The following ZBTB44 variants were observed in gnomAD, a reference collection of about 807,000 sequenced individuals.
The protein encoded by ZBTB44 is zinc finger and BTB domain containing 44, also known as zinc finger and BTB domain-containing protein 44.
ZBTB44 carries 15 observed loss-of-function variants against 54.0 expected under a neutral mutation model. The ratio of observed to expected loss-of-function variants is 0.28; its 90% CI spans 0.19 to 0.43. The LOEUF (loss-of-function observed/expected upper bound fraction) is 0.43. Ranked by LOEUF, ZBTB44 falls within the 20% of genes least tolerant of loss-of-function variation. ZBTB44 has a pLI of 1.00. For missense variants in ZBTB44, 487 were observed against 707.1 expected (o/e 0.69, Z 3.53); for synonymous variants, 230 against 250.1 (o/e 0.92, Z 0.76).
At chr11:130,236,011 G>T in intron 5 of ZBTB44, 2 of 908,714 alleles carry the variant, frequency 2.2e-6, no homozygotes, top group Non-Finnish European at 2.7e-6. Context: ...CATTTTATGA[G>T]AAACTAAGGA....
intron 1 of ZBTB44, among the ~76,000 whole-genome samples, chr11:130,275,922 G>A (rs1940031168): frequency 6.7e-6 from 1 of 149,094 alleles, no homozygotes; most frequent in Non-Finnish European, 1.5e-5. Context: ...CACCGCGCCA[G>A]GTCATTTGCA....
At chr11:130,266,810 A>G (rs987991747) in intron 1 of ZBTB44, among the ~76,000 whole-genome samples, 45 of 152,384 alleles carry the variant, frequency 3.0e-4, no homozygotes, top group African/African-American at 1.1e-3. Flanking sequence ...CTTGTGGATA[A>G]GCAAAGACAG....
intron 2 of ZBTB44, among the ~76,000 whole-genome samples, chr11:130,259,885 T>G (rs997864637): frequency 1.3e-5 from 2 of 151,950 alleles, no homozygotes; most frequent in East Asian, 3.9e-4. Context: ...CAAACCACCA[T>G]GGCATGTGTA....
chr11:130,309,800 G>A (rs906798457), intron 1 of ZBTB44, among the ~76,000 whole-genome samples: 20 of 151,530 alleles, frequency 1.3e-4, no homozygotes, highest in Non-Finnish European at 2.5e-4. Flanking sequence ...GCTGAGGCAG[G>A]AGAATCGCTT....
At position 130,261,526 on chromosome 11, in the gene ZBTB44, A is replaced by G; in HGVS notation, c.348T>C (p.Val116=). 1.2e-6 allele frequency: 2 copies of G among 1,614,034 alleles called. No homozygotes were observed. The highest frequency in any genetic ancestry group is 1.7e-6 in the Non-Finnish European group (2 of 1,179,894). The stretch of plus-strand genomic sequence containing the variant: ...TCATGAACTCTGAGCAGGTGCTGGC[A>G]ACACTGAACATTTGCATATAGCTGG... ...AAASYMQMFS[V]ASTCSEFMKS... Residue 116 remains valine (V), a synonymous_variant, in exon 2 of 8, where the codon GTT becomes GTC. Coordinates refer to ENST00000357899, the MANE Select transcript of ZBTB44 (RefSeq NM_001301098.2). This position sits in a 1 kb window ranked among gnomAD's most constrained non-coding sequence, Gnocchi z 4.8.
At chr11:130,237,291 G>GA (rs571936158) in intron 4 of ZBTB44, among the ~76,000 whole-genome samples, 198 bp from the exon 5 acceptor site, 150 of 152,110 alleles carry the variant, frequency 9.9e-4, no homozygotes, top group African/African-American at 3.4e-3. Flanking sequence ...AAAAGGAAAA[G>GA]AAAAAAAGGC....
chr11:130,228,055 G>A lies in ZBTB44; in HGVS notation c.*3709C>T, dbSNP rs892722716. 7 of 152,152 alleles carry A rather than the reference G, an allele frequency of 4.6e-5. No individual in the cohort carries two copies. Among genetic ancestry groups the A allele is most frequent in the Admixed American group, 3.3e-4 (5 of 15,260 alleles). 9.4% of individuals were successfully genotyped at this position (152,152 alleles called of 1,614,324 possible). On this transcript the variant is annotated 3_prime_UTR_variant, in exon 8 of 8. Coordinates refer to ENST00000357899, the MANE Select transcript of ZBTB44 (RefSeq NM_001301098.2). ...TAAAATGGCTTTTGAAAAGATAGTA[G>A]AGGCACAAAGAAGCCATATACTATC...
At chr11:130,265,194 A>G (rs1369353510) in intron 1 of ZBTB44, among the ~76,000 whole-genome samples, 1 of 152,152 alleles carries the variant, frequency 6.6e-6, no homozygotes, top group East Asian at 1.9e-4. Context: ...TGGCCTCTAA[A>G]TGACCAAGTG....
chr11:130,288,896 TAAAA>T (rs560248125), intron 1 of ZBTB44, among the ~76,000 whole-genome samples: 4,251 of 131,766 alleles, frequency 0.032, 214 homozygotes, highest in African/African-American at 0.11. Flanking sequence ...GACTCCGTCT[TAAAA>T]AAAAAAAAAA....
At chr11:130,238,294 T>C in intron 4 of ZBTB44, 150 bp downstream of exon 4, 1 of 1,022,518 alleles carries the variant, frequency 9.8e-7, no homozygotes, top group Non-Finnish European at 1.4e-6. Context: ...CTGCATCATT[T>C]CAGCAATAAA....
chr11:130,293,908 T>A (rs1941467451), intron 1 of ZBTB44, among the ~76,000 whole-genome samples: 1 of 152,212 alleles, frequency 6.6e-6, no homozygotes, highest in African/African-American at 2.4e-5. Flanking sequence ...GTTCAGAGAT[T>A]TGAAAAAGTA....
intron 1 of ZBTB44, among the ~76,000 whole-genome samples, chr11:130,271,674 A>G (rs192799187): frequency 6.6e-6 from 1 of 152,126 alleles, no homozygotes; most frequent in Non-Finnish European, 1.5e-5. Flanking sequence ...ATTTACATTT[A>G]TTGCTGAAAA....
intron 1 of ZBTB44, among the ~76,000 whole-genome samples, chr11:130,268,911 A>C (rs750832415): frequency 6.6e-6 from 1 of 151,894 alleles, no homozygotes; most frequent in Non-Finnish European, 1.5e-5. Context: ...GAGAGAAAAA[A>C]AGAAAATGTC....
At chr11:130,243,519 CCT>C (rs1384052880) in intron 2 of ZBTB44, among the ~76,000 whole-genome samples, 23 of 152,348 alleles carry the variant, frequency 1.5e-4, no homozygotes, top group African/African-American at 4.8e-4. Context: ...GATGTGTTTT[CCT>C]CTCTTTTTCC....
At position 130,228,929 on chromosome 11, in the gene ZBTB44, A is replaced by T. The variant is rs1372022902; in HGVS notation, c.*2835T>A. Reference sequence around the variant, plus strand: ...AAGAATTTGACTTTATAAACCAGGTACTTTGAACAAAAACTAAAAATTTTA... The same window carrying T: ...AAGAATTTGACTTTATAAACCAGGTTCTTTGAACAAAAACTAAAAATTTTA... On this transcript the variant is annotated 3_prime_UTR_variant, in exon 8 of 8. Coordinates refer to ENST00000357899, the MANE Select transcript of ZBTB44 (RefSeq NM_001301098.2). 6.6e-6 allele frequency: 1 copy of T among 152,238 alleles called. No individual in the cohort carries two copies. Among genetic ancestry groups the T allele is most frequent in the Non-Finnish European group, 1.5e-5 (1 of 68,038 alleles). 9.4% of individuals were successfully genotyped at this position (152,238 alleles called of 1,614,324 possible). A position where few individuals can be genotyped will look rare whatever the true frequency, so the allele number is the denominator to read the frequency against.
chr11:130,264,294 G>T (rs560459577), intron 1 of ZBTB44, among the ~76,000 whole-genome samples: 1 of 152,086 alleles, frequency 6.6e-6, no homozygotes, highest in Admixed American at 6.6e-5. Flanking sequence ...TCCTGAAAGG[G>T]CCAGAAACCA....
intron 1 of ZBTB44, among the ~76,000 whole-genome samples, chr11:130,262,901 A>G (rs1019333811): frequency 1.3e-5 from 2 of 152,154 alleles, no homozygotes; most frequent in East Asian, 1.9e-4. Flanking sequence ...CTACAAAAAA[A>G]CACATAAAAA....
intron 1 of ZBTB44, among the ~76,000 whole-genome samples, chr11:130,287,347 G>C (rs1217809455): frequency 6.6e-6 from 1 of 152,186 alleles, no homozygotes; most frequent in Admixed American, 6.5e-5. Flanking sequence ...CAGAGCAAGA[G>C]TGTTAACTAT....
intron 1 of ZBTB44, among the ~76,000 whole-genome samples, chr11:130,274,380 GA>G (rs1287754527): frequency 1.3e-5 from 2 of 152,022 alleles, no homozygotes; most frequent in African/African-American, 4.8e-5. Flanking sequence ...TCCTTACCTA[GA>G]GTCTCCAGTG....
Sources: gnomAD v4.1 joint callset for allele counts (sites outside exome capture counted in the v4.1 genomes callset) on GRCh38, gnomAD v4.1.1 for gene constraint, Gnocchi (gnomAD v3.1) non-coding constraint, MANE v1.5 for transcripts, NCBI Gene and HGNC (gene_info 2026-07-23, HGNC 2026-07-21) for gene names.